The following DTWD2 variants were observed in gnomAD, a reference collection of about 807,000 sequenced individuals.
DTWD2 encodes the protein DTW motif tRNA-uridine aminocarboxypropyltransferase 2.
In DTWD2, 39 loss-of-function variants were observed where a neutral mutation model predicts 31.8. The ratio of observed to expected loss-of-function variants is 1.22; its 90% confidence interval spans 0.95 to 1.60. DTWD2 has a LOEUF of 1.60. Ranked by LOEUF, DTWD2 falls within the 40% of genes most tolerant of loss-of-function variation. The pLI is 0.00. For synonymous variants in DTWD2, 180 were observed against 142.8 expected, an observed-to-expected ratio of 1.26 and a Z score of -1.86; for missense variants, 515 against 381.5, an observed-to-expected ratio of 1.35 and a Z score of -2.92.
At chr5:118,849,720 T>C (rs2112677530) in intron 4 of DTWD2, among the ~76,000 whole-genome samples, 1 of 152,274 alleles carries the variant, frequency 6.6e-6, no homozygotes, top group East Asian at 1.9e-4. Flanking sequence ...GTTCAAGTCC[T>C]TTGCAGGGAC....
At chr5:118,953,589 G>A (rs1030175194) in intron 1 of DTWD2, among the ~76,000 whole-genome samples, 1 of 152,098 alleles carries the variant, frequency 6.6e-6, no homozygotes, top group Admixed American at 6.5e-5. Flanking sequence ...AGACCCTATG[G>A]GGACACCATA....
At chr5:118,986,105 T>C (rs920557672) in intron 1 of DTWD2, among the ~76,000 whole-genome samples, 1 of 152,156 alleles carries the variant, frequency 6.6e-6, no homozygotes, top group Non-Finnish European at 1.5e-5. Flanking sequence ...GCACCTACCA[T>C]GTCCCATGAC....
chr5:118,960,297 T>C (rs184844350), intron 1 of DTWD2, among the ~76,000 whole-genome samples: 12 of 152,204 alleles, frequency 7.9e-5, no homozygotes, highest in African/African-American at 2.2e-4. Flanking sequence ...AAATGAGACA[T>C]ATATACGGCA....
chr5:118,949,593 G>A (rs1310463879), intron 1 of DTWD2, among the ~76,000 whole-genome samples: 4 of 152,170 alleles, frequency 2.6e-5, no homozygotes. Flanking sequence ...GCAAGTGAGT[G>A]ATAACAGGCT....
Position 118,928,684 on chromosome 5 carries a change from T to C in DTWD2, c.450A>G (p.Ile150Met), listed in dbSNP as rs766826390. 1.3e-6 allele frequency: 2 copies of C among 1,589,302 alleles called. No individual in the cohort carries two copies. The highest frequency in any genetic ancestry group is 8.6e-7 in the Non-Finnish European group (1 of 1,168,134). Residue 150 changes from isoleucine to methionine, a missense_variant, in exon 4 of 6, where the codon ATA becomes ATG. Transcript: ENST00000510708. ...STVCRKSGTL[I>M]LYPGAEAANL... ...TAGCAGCTTCAGCCCCTGGATATAA[T>C]ATTAATGTACCAGACTTCCGGCAAA...
At chr5:118,883,218 T>C (rs1352537013) in intron 4 of DTWD2, among the ~76,000 whole-genome samples, 2 of 152,192 alleles carry the variant, frequency 1.3e-5, no homozygotes, top group African/African-American at 4.8e-5. Flanking sequence ...AGAGTGACCT[T>C]TGCTCCAGTT....
intron 4 of DTWD2, among the ~76,000 whole-genome samples, chr5:118,913,725 A>C (rs973443933): frequency 1.3e-5 from 2 of 152,010 alleles, no homozygotes; most frequent in African/African-American, 4.8e-5. Context: ...AAGTACTAGT[A>C]GTGAGCAAGA....
chr5:118,887,622 C>T (rs997720809), intron 4 of DTWD2, among the ~76,000 whole-genome samples: 2 of 152,034 alleles, frequency 1.3e-5, no homozygotes, highest in African/African-American at 2.4e-5. Context: ...GGTTGGCTGG[C>T]GTTTTGTTTT....
chr5:118,946,239 T>C (rs1754336247), intron 1 of DTWD2, among the ~76,000 whole-genome samples: 1 of 152,220 alleles, frequency 6.6e-6, no homozygotes. Context: ...TGATTTCCAG[T>C]GACTTCTGAG....
chr5:118,849,243 T>A (rs568622410), intron 4 of DTWD2, among the ~76,000 whole-genome samples: 5 of 152,216 alleles, frequency 3.3e-5, no homozygotes, highest in Admixed American at 1.3e-4. Context: ...CTCAAAAGTA[T>A]ACATTTATGT....
intron 3 of DTWD2, among the ~76,000 whole-genome samples, chr5:118,931,293 G>A (rs910428350): frequency 6.6e-6 from 1 of 151,672 alleles, no homozygotes; most frequent in African/African-American, 2.4e-5. Flanking sequence ...TACTCGGGAA[G>A]CGGAGGCAGG....
At chr5:118,896,633 C>G (rs1300583905) in intron 4 of DTWD2, among the ~76,000 whole-genome samples, 1 of 152,168 alleles carries the variant, frequency 6.6e-6, no homozygotes, top group Non-Finnish European at 1.5e-5. Flanking sequence ...ATTCTAAAAA[C>G]TAACACAAAG....
At chr5:118,945,394 T>C (rs1020224251) in intron 1 of DTWD2, among the ~76,000 whole-genome samples, 1 of 152,202 alleles carries the variant, frequency 6.6e-6, no homozygotes, top group African/African-American at 2.4e-5. Flanking sequence ...TGGTTTTTTA[T>C]GTCCTTCCAA....
At chr5:118,923,391 T>G (rs1455046252) in intron 4 of DTWD2, among the ~76,000 whole-genome samples, 2 of 152,178 alleles carry the variant, frequency 1.3e-5, no homozygotes, top group Admixed American at 6.5e-5. Flanking sequence ...TTCCTGGTCA[T>G]GCTCACTAAG....
chr5:118,852,909 T>C (rs1752044644), intron 4 of DTWD2, among the ~76,000 whole-genome samples: 1 of 152,154 alleles, frequency 6.6e-6, no homozygotes, highest in Admixed American at 6.6e-5. Flanking sequence ...TCATGTCCTT[T>C]GCAGCAACAT....
chr5:118,914,897 A>T (rs299213), intron 4 of DTWD2, among the ~76,000 whole-genome samples: 2,042 of 152,306 alleles, frequency 0.013, 44 homozygotes, highest in African/African-American at 0.046. Context: ...ATTTGTCACC[A>T]TTCCTGGTTT....
At chr5:118,886,824 G>A (rs1005611857) in intron 4 of DTWD2, among the ~76,000 whole-genome samples, 2 of 152,032 alleles carry the variant, frequency 1.3e-5, no homozygotes, top group Admixed American at 1.3e-4. Context: ...AAAGCTAGAT[G>A]GGGATTTTTC....
chr5:118,939,456 T>G (rs1292418838), intron 2 of DTWD2, among the ~76,000 whole-genome samples, 166 bp from the exon 3 acceptor site: 1 of 152,210 alleles, frequency 6.6e-6, no homozygotes, highest in South Asian at 2.1e-4. Flanking sequence ...GATTTATCAG[T>G]ATTAACCATA....
chr5:118,848,332 TA>T, intron 4 of DTWD2, 114 bp from the exon 5 acceptor site: 1 of 879,862 alleles, frequency 1.1e-6, no homozygotes, highest in South Asian at 2.2e-5. Context: ...TTAGAAGTAC[TA>T]AATGTGTCAA....
Sources: allele counts gnomAD v4.1 joint callset (sites outside exome capture counted in the v4.1 genomes callset), GRCh38; gene constraint gnomAD v4.1.1; transcripts MANE v1.5; gene names NCBI Gene and HGNC (gene_info 2026-07-23, HGNC 2026-07-21).